PSD3: variants seen among roughly 807,000 people sequenced by gnomAD.
The protein encoded by PSD3 is PH and SEC7 domain-containing protein 3.
In PSD3, 49 loss-of-function variants were observed where a neutral mutation model predicts 105.5. That is an observed-to-expected ratio of 0.46 (90% CI 0.37 to 0.59). PSD3 has a LOEUF of 0.59. Among genes scored for constraint, PSD3 ranks in the 20% least tolerant of loss-of-function variants. The pLI is 0.00. For synonymous variants in PSD3, 557 were observed against 457.8 expected (o/e 1.22, Z -2.77); for missense variants, 1,561 against 1,263.8 (o/e 1.24, Z -3.57).
chr8:19,028,385 C>T (rs1827642524), intron 1 of PSD3, among the ~76,000 whole-genome samples: 1 of 140,014 alleles, frequency 7.1e-6, no homozygotes, highest in Non-Finnish European at 1.5e-5. Context: ...TGGAGTCTCT[C>T]TCTGTTGTCC....
At chr8:18,722,754 A>G (rs1043125052) in intron 9 of PSD3, among the ~76,000 whole-genome samples, 1 of 152,182 alleles carries the variant, frequency 6.6e-6, no homozygotes, top group African/African-American at 2.4e-5. Context: ...GCTGCCTCTG[A>G]CCAGCGCCCC....
intron 9 of PSD3, chr8:18,733,068 C>T (rs1404149540): frequency 6.6e-6 from 1 of 152,046 alleles, no homozygotes; most frequent in Non-Finnish European, 1.5e-5. Context: ...GTTACAACAT[C>T]TTATTAGGGT....
At chr8:18,553,277 A>G (rs1800884194) in intron 15 of PSD3, among the ~76,000 whole-genome samples, 1 of 152,174 alleles carries the variant, frequency 6.6e-6, no homozygotes, top group Admixed American at 6.5e-5. Context: ...ATTCATGCCT[A>G]TGATCTTCCC....
chr8:18,956,996 A>G (rs1389840186), intron 1 of PSD3, among the ~76,000 whole-genome samples: 1 of 152,186 alleles, frequency 6.6e-6, no homozygotes, highest in African/African-American at 2.4e-5. Flanking sequence ...TCCTCTCCCA[A>G]GATGAAATCT....
intron 1 of PSD3, 84 bp downstream of exon 1, chr8:19,013,479 G>C (rs1199684379): frequency 5.8e-6 from 9 of 1,561,930 alleles, no homozygotes; most frequent in Non-Finnish European, 7.8e-6. Context: ...GGGGGACAGA[G>C]CGGCGACAAA....
Position 18,867,749 on chromosome 8 carries a change from C to G in PSD3, c.1559G>C (p.Gly520Ala), listed in dbSNP as rs1294458119. The change falls in exon 4 of 16, where the codon GGC becomes GCC. Residue 520 changes from glycine (G) to alanine (A), a missense_variant. Physicochemically the swap from Gly to Ala is moderately conservative, Grantham distance 60 (BLOSUM62 0). Transcript: ENST00000327040. ...GGCATCATTCAGCCCATTGGTGACG[C>G]CACTAGAATAGCCCATCACGATGCC... ...DGGIVMGYSSGVTNGLNDASD... is the reference protein window; with the variant it reads ...DGGIVMGYSSAVTNGLNDASD... 2.5e-6 allele frequency: 4 copies of G among 1,614,002 alleles called. No homozygotes were observed. The Admixed American group carries it at 6.7e-5, about 27-fold the overall frequency.
intron 11 of PSD3, among the ~76,000 whole-genome samples, chr8:18,600,843 T>C (rs1366451376): frequency 6.6e-6 from 1 of 152,192 alleles, no homozygotes; most frequent in African/African-American, 2.4e-5. Flanking sequence ...CCAGAGCCTT[T>C]ATAGCTTCTT....
Position 18,899,934 on chromosome 8 carries a change from C to T in PSD3, c.131-27201G>A, listed in dbSNP as rs1014640808. 4.6e-5 allele frequency among the ~76,000 whole-genome samples: 7 copies of T among 152,238 alleles called. No homozygotes were observed. The South Asian group carries it at 6.2e-4, about 14-fold the overall frequency. On this transcript the variant is annotated intron_variant, in intron 2 of 15. Coordinates refer to ENST00000327040, the MANE Select transcript of PSD3 (RefSeq NM_015310.4). Reference sequence around the variant, plus strand: ...CCTATCCCTTCCTGCCTTAAATCCTCGTACTCACTTCCCTTCCTTACTAAT... The same window carrying T: ...CCTATCCCTTCCTGCCTTAAATCCTTGTACTCACTTCCCTTCCTTACTAAT...
intron 10 of PSD3, among the ~76,000 whole-genome samples, chr8:18,653,051 G>A (rs2130843361): frequency 6.6e-6 from 1 of 152,272 alleles, no homozygotes; most frequent in Non-Finnish European, 1.5e-5. Flanking sequence ...GATGATAACA[G>A]AGAGATCTGT....
intron 1 of PSD3, among the ~76,000 whole-genome samples, chr8:18,961,677 C>T (rs568107891): frequency 1.3e-5 from 2 of 152,122 alleles, no homozygotes; most frequent in East Asian, 1.9e-4. Context: ...GGTGACAGAG[C>T]GAGACTCTGC....
At chr8:18,953,609 C>T (rs999114041) in intron 1 of PSD3, among the ~76,000 whole-genome samples, 6 of 151,910 alleles carry the variant, frequency 3.9e-5, no homozygotes, top group African/African-American at 9.7e-5. Flanking sequence ...ATTAGCTGGG[C>T]GTGGTGGCAG....
intron 2 of PSD3, among the ~76,000 whole-genome samples, chr8:18,934,509 C>A (rs1274073270): frequency 1.3e-5 from 2 of 152,112 alleles, no homozygotes; most frequent in Non-Finnish European, 2.9e-5. Flanking sequence ...CTCTCGGGTT[C>A]ATGCCATTCT....
chr8:18,982,362 C>T (rs1825287652), intron 1 of PSD3, among the ~76,000 whole-genome samples: 1 of 152,208 alleles, frequency 6.6e-6, no homozygotes, highest in African/African-American at 2.4e-5. Context: ...GGGTTGGAAT[C>T]AACTTCTTCT....
intron 11 of PSD3, among the ~76,000 whole-genome samples, chr8:18,622,720 T>G (rs142799037): frequency 2.7e-4 from 41 of 152,290 alleles, no homozygotes; most frequent in African/African-American, 9.6e-4. Flanking sequence ...TGCCACTTTC[T>G]TATGTATTAA....
intron 9 of PSD3, among the ~76,000 whole-genome samples, chr8:18,695,181 G>T (rs938775152): frequency 6.6e-6 from 1 of 152,140 alleles, no homozygotes; most frequent in South Asian, 2.1e-4. Context: ...AAGGCCTGAT[G>T]AGAGCTAATG....
chr8:18,708,500 G>A (rs1376491202), intron 9 of PSD3, among the ~76,000 whole-genome samples: 2 of 151,754 alleles, frequency 1.3e-5, no homozygotes, highest in African/African-American at 2.4e-5. Context: ...CAGTACCTCT[G>A]AGTAGAGCCA....
chr8:18,984,644 G>T (rs548662383), intron 1 of PSD3, among the ~76,000 whole-genome samples: 1 of 152,260 alleles, frequency 6.6e-6, no homozygotes, highest in East Asian at 1.9e-4. Flanking sequence ...TTACCAAATT[G>T]TATTATAATT....
At chr8:18,651,651 G>C (rs368347643) in intron 10 of PSD3, among the ~76,000 whole-genome samples, 1 of 152,186 alleles carries the variant, frequency 6.6e-6, no homozygotes, top group Non-Finnish European at 1.5e-5. Context: ...CCATAATGGG[G>C]TGTAGAAACT....
intron 9 of PSD3, among the ~76,000 whole-genome samples, chr8:18,761,015 C>T (rs1038611767): frequency 8.5e-5 from 13 of 152,158 alleles, no homozygotes; most frequent in African/African-American, 3.1e-4. Context: ...TAGTTTGCTT[C>T]CTCAAAGGTT....
Sources: gnomAD v4.1 joint callset for allele counts (sites outside exome capture counted in the v4.1 genomes callset) on GRCh38, gnomAD v4.1.1 for gene constraint, MANE v1.5 for transcripts, NCBI Gene and HGNC (gene_info 2026-07-23, HGNC 2026-07-21) for gene names.